The following SORBS2 variants were observed in gnomAD, a reference collection of about 807,000 sequenced individuals.
SORBS2 encodes sorbin and SH3 domain-containing protein 2.
In SORBS2, 46 loss-of-function variants were observed where a neutral mutation model predicts 97.7. The ratio of observed to expected loss-of-function variants is 0.47; its 90% CI spans 0.37 to 0.60. The LOEUF (loss-of-function observed/expected upper bound fraction) is 0.60. SORBS2 is among the 20% of genes least tolerant of loss of function. The pLI is 0.00. For missense variants in SORBS2, 1,316 were observed against 1,282.3 expected (o/e 1.03, Z -0.40); for synonymous variants, 476 against 473.4 (o/e 1.01, Z -0.07).
chr4:185,629,978 T>C (rs1397596026), intron 5 of SORBS2, among the ~76,000 whole-genome samples: 2 of 152,196 alleles, frequency 1.3e-5, no homozygotes, highest in Non-Finnish European at 1.5e-5. Context: ...CAATTTCTTT[T>C]TTTTCTCTCT....
chr4:185,670,838 A>G (rs1376398783), intron 4 of SORBS2, among the ~76,000 whole-genome samples: 1 of 152,056 alleles, frequency 6.6e-6, no homozygotes, highest in East Asian at 1.9e-4. Context: ...GCCACAGCTG[A>G]TTAGGAAGGG....
intron 12 of SORBS2, among the ~76,000 whole-genome samples, chr4:185,601,399 CCAT>C (rs1554060040): frequency 6.6e-6 from 1 of 152,110 alleles, no homozygotes; most frequent in South Asian, 2.1e-4. Context: ...GTGTAATCTC[CCAT>C]CTTTTCTCCT....
rs146841766 is a variant in SORBS2 at position 185,794,542 on chromosome 4, A to G, written c.-337-19176T>C. 1.5e-4 allele frequency among the ~76,000 whole-genome samples: 23 copies of G among 152,302 alleles called. 1 individual carries two copies. The East Asian group carries it at 4.4e-3, about 29-fold the overall frequency. On this transcript the variant is annotated intron_variant, in intron 1 of 20. Coordinates refer to the SORBS2 transcript ENST00000284776. ...ATGGCCCAGCCTCAACTCTCTAGAT[A>G]TCCTGCTGATCTCAGGGAATTCAGA...
intron 12 of SORBS2, among the ~76,000 whole-genome samples, chr4:185,595,501 G>A (rs892949470): frequency 6.6e-6 from 1 of 151,926 alleles, no homozygotes; most frequent in African/African-American, 2.4e-5. Flanking sequence ...TCATTGATAA[G>A]CCTGTATCAT....
At chr4:185,659,584 T>C (rs2097480853), upstream of SORBS2, among the ~76,000 whole-genome samples, 4 of 67,482 alleles carry the variant, frequency 5.9e-5, no homozygotes. Context: ...GCCCAGCTAA[T>C]TTTTTTTTTT....
intron 2 of SORBS2, among the ~76,000 whole-genome samples, chr4:185,725,140 T>A (rs1463581764): frequency 6.6e-6 from 1 of 152,230 alleles, no homozygotes; most frequent in Non-Finnish European, 1.5e-5. Flanking sequence ...TTTAGGCAGA[T>A]CTATTTTTGA....
upstream of SORBS2, among the ~76,000 whole-genome samples, chr4:185,660,585 G>C (rs1369402703): frequency 1.3e-5 from 2 of 152,172 alleles, no homozygotes; most frequent in East Asian, 3.8e-4. Flanking sequence ...TAGAGCTTTG[G>C]TTGACCTCAG....
chr4:185,657,725 A>T, upstream of SORBS2: 1 of 835,608 alleles, frequency 1.2e-6, no homozygotes, highest in Admixed American at 3.3e-5. Context: ...CTTTTAACTC[A>T]TTTACTTTCC....
chr4:185,638,443 C>A (rs368956540), intron 4 of SORBS2, among the ~76,000 whole-genome samples: 23 of 152,160 alleles, frequency 1.5e-4, no homozygotes, highest in African/African-American at 5.6e-4. Context: ...GATCCACTTA[C>A]GCTTGAGGCA....
chr4:185,837,494 A>G (rs548144827), intron 1 of SORBS2, among the ~76,000 whole-genome samples: 39 of 152,354 alleles, frequency 2.6e-4, no homozygotes, highest in African/African-American at 8.4e-4. Context: ...AGTATGAGAA[A>G]GGTTCTCATG....
At chr4:185,840,468 C>T (rs1274944850) in intron 1 of SORBS2, among the ~76,000 whole-genome samples, 7 of 152,176 alleles carry the variant, frequency 4.6e-5, no homozygotes, top group Admixed American at 1.3e-4. Context: ...GACCCTGCTA[C>T]TAATTTCCTC....
chr4:185,940,599 A>G (rs921564719), intron 1 of SORBS2, among the ~76,000 whole-genome samples: 1 of 152,104 alleles, frequency 6.6e-6, no homozygotes, highest in Non-Finnish European at 1.5e-5. Flanking sequence ...TAAAATCCAA[A>G]CTGATTGCCA....
chr4:185,909,852 C>CA (rs1462476548), intron 1 of SORBS2, among the ~76,000 whole-genome samples: 29 of 152,052 alleles, frequency 1.9e-4, no homozygotes, highest in African/African-American at 7.0e-4. Context: ...GGCATGGTGG[C>CA]AGGTGCCTGT....
chr4:185,628,770 T>C (rs2096859264), intron 5 of SORBS2, among the ~76,000 whole-genome samples: 1 of 152,196 alleles, frequency 6.6e-6, no homozygotes, highest in Non-Finnish European at 1.5e-5. Context: ...AATCAATCAG[T>C]ACCAGTAATC....
chr4:185,624,079 G>A (rs747714138), exon 7 of SORBS2: 6 of 1,614,170 alleles, frequency 3.7e-6, no homozygotes, highest in Non-Finnish European at 5.1e-6. Context: ...GGAACCCCGG[G>A]GCGTTGCGGG....
intron 4 of SORBS2, among the ~76,000 whole-genome samples, chr4:185,638,553 C>T (rs1327093562): frequency 1.3e-5 from 2 of 152,092 alleles, no homozygotes; most frequent in Non-Finnish European, 2.9e-5. Context: ...CTCTTTTGGG[C>T]GAGTCACTTC....
At chr4:185,859,064 G>A (rs2099222246) in intron 1 of SORBS2, among the ~76,000 whole-genome samples, 1 of 151,178 alleles carries the variant, frequency 6.6e-6, no homozygotes, top group African/African-American at 2.4e-5. Context: ...AAACAAGCAT[G>A]AGAAAAATGT....
At chr4:185,732,136 T>C (rs563646835) in intron 2 of SORBS2, among the ~76,000 whole-genome samples, 1 of 152,040 alleles carries the variant, frequency 6.6e-6, no homozygotes, top group East Asian at 1.9e-4. Context: ...CAGTAGAAGA[T>C]GGAAAGTTCA....
chr4:185,912,541 T>G (rs535878965), intron 1 of SORBS2, among the ~76,000 whole-genome samples: 5 of 126,018 alleles, frequency 4.0e-5, no homozygotes, highest in Non-Finnish European at 7.7e-5. Flanking sequence ...GCCGAGATCA[T>G]GCCACTGCAC....
Sources: allele counts gnomAD v4.1 joint callset (sites outside exome capture counted in the v4.1 genomes callset), GRCh38; gene constraint gnomAD v4.1.1; transcripts MANE v1.5; gene names NCBI Gene and HGNC (gene_info 2026-07-23, HGNC 2026-07-21).